Variants in PIR observed in about 807,000 individuals in gnomAD.
PIR encodes pirin, also known as pirin (iron-binding nuclear protein).
PIR carries 22 observed loss-of-function variants against 24.2 expected under a neutral mutation model. The ratio of observed to expected loss-of-function variants is 0.91; its 90% CI spans 0.65 to 1.30. PIR has a LOEUF of 1.30. Among genes scored for constraint, PIR ranks in the 50% most tolerant of loss-of-function variants. The pLI is 0.00. For missense variants in PIR, 220 were observed against 220.3 expected, an observed-to-expected ratio of 1.00 and a Z score of 0.01; for synonymous variants, 80 against 79.6, an observed-to-expected ratio of 1.00 and a Z score of -0.03.
At chrX:15,411,999 C>T (rs2147018981) in intron 6 of PIR, among the ~76,000 whole-genome samples, 1 of 110,922 alleles carries the variant, frequency 9.0e-6, no homozygotes, top group South Asian at 3.7e-4. Flanking sequence ...AATTTGCAGA[C>T]ATGTAGCCCC....
intron 2 of PIR, among the ~76,000 whole-genome samples, chrX:15,482,295 A>C (rs1158464030): frequency 8.9e-6 from 1 of 111,851 alleles, no homozygotes; most frequent in Non-Finnish European, 1.9e-5. Context: ...AGTCTTGAGT[A>C]GAAATGGTGG....
chrX:15,447,564 C>T (rs1005473097), intron 5 of PIR, among the ~76,000 whole-genome samples: 10 of 111,672 alleles, frequency 9.0e-5, no homozygotes, highest in South Asian at 3.8e-4. Context: ...GTGATCCGGC[C>T]GCCTCGGCCT....
At chrX:15,479,860 T>A in intron 2 of PIR, 39 bp from the exon 3 acceptor site, 1 of 768,633 alleles carries the variant, frequency 1.3e-6, no homozygotes, top group Non-Finnish European at 1.9e-6. Context: ...GATATGTCTT[T>A]TAAGCCATAC....
intron 3 of PIR, among the ~76,000 whole-genome samples, chrX:15,470,005 A>T (rs1414698367): frequency 8.9e-6 from 1 of 112,071 alleles, no homozygotes; most frequent in Non-Finnish European, 1.9e-5. Flanking sequence ...TTCTAATGGT[A>T]TTAAAAATCT....
chrX:15,425,119 C>A (rs1925263782), intron 6 of PIR, among the ~76,000 whole-genome samples: 1 of 110,828 alleles, frequency 9.0e-6, no homozygotes, highest in African/African-American at 3.3e-5. Context: ...TAAAGGTAAC[C>A]TTTACATAAC....
chrX:15,478,489 G>A (rs754340641), intron 3 of PIR: 2 of 111,892 alleles, frequency 1.8e-5, no homozygotes, highest in East Asian at 2.8e-4. Flanking sequence ...CCAGGAACAG[G>A]GTCAGAATCC....
At chrX:15,434,710 G>GT (rs112032769) in intron 5 of PIR, among the ~76,000 whole-genome samples, 34 of 87,140 alleles carry the variant, frequency 3.9e-4, no homozygotes, top group Middle Eastern at 5.7e-3. Flanking sequence ...TACATGAGAG[G>GT]TTTGTTTTTT....
At chrX:15,412,700 C>T (rs1210431353) in intron 6 of PIR, among the ~76,000 whole-genome samples, 7 of 112,013 alleles carry the variant, frequency 6.2e-5, no homozygotes, top group Admixed American at 5.7e-4. Flanking sequence ...ATCATGGCCT[C>T]TCTGCCTGCC....
At chrX:15,432,309 A>G (rs1925536612) in intron 5 of PIR, among the ~76,000 whole-genome samples, 2 of 112,307 alleles carry the variant, frequency 1.8e-5, no homozygotes. Flanking sequence ...GTGAAGTATT[A>G]CTTTCTAGTG....
At chrX:15,464,435 T>C in intron 3 of PIR, 10 of 752,756 alleles carry the variant, frequency 1.3e-5, no homozygotes, top group South Asian at 6.7e-5. Context: ...GTAAGTGATA[T>C]AGTTTATTTT....
chrX:15,402,311 A>G (rs1456780751), intron 7 of PIR, among the ~76,000 whole-genome samples: 2 of 112,262 alleles, frequency 1.8e-5, no homozygotes, highest in Non-Finnish European at 3.8e-5. Flanking sequence ...CCCATAATGC[A>G]CCACCCATTA....
chrX:15,385,264 C>T, intron 9 of PIR, 148 bp from the exon 10 acceptor site: 2 of 364,696 alleles, frequency 5.5e-6, no homozygotes, highest in Non-Finnish European at 9.5e-6. Flanking sequence ...TGTTCAATCC[C>T]CAAGGACTGT....
At chrX:15,421,215 T>A (rs1925120635) in intron 6 of PIR, among the ~76,000 whole-genome samples, 1 of 111,873 alleles carries the variant, frequency 8.9e-6, no homozygotes, top group African/African-American at 3.2e-5. Flanking sequence ...GGCTTATGTT[T>A]AAGCAAATTA....
At chrX:15,406,045 G>A (rs986198576) in intron 7 of PIR, among the ~76,000 whole-genome samples, 1 of 112,654 alleles carries the variant, frequency 8.9e-6, no homozygotes, top group African/African-American at 3.2e-5. Flanking sequence ...CCAGCTGCCT[G>A]GAGCTGGGAG....
intron 5 of PIR, among the ~76,000 whole-genome samples, chrX:15,441,740 C>T (rs931109172): frequency 1.8e-5 from 2 of 111,199 alleles, no homozygotes; most frequent in African/African-American, 6.6e-5. Flanking sequence ...ATGCTCAGCT[C>T]AGGCCCTTCT....
intron 5 of PIR, among the ~76,000 whole-genome samples, chrX:15,441,855 T>C (rs1031675414): frequency 1.4e-4 from 16 of 111,491 alleles, no homozygotes; most frequent in Non-Finnish European, 3.0e-4. Context: ...ACGTGGTTAA[T>C]GAAGCCGGGG....
intron 5 of PIR, among the ~76,000 whole-genome samples, chrX:15,448,856 C>G (rs1341565908): frequency 8.9e-6 from 1 of 112,043 alleles, no homozygotes; most frequent in Non-Finnish European, 1.9e-5. Context: ...TTTTCACATA[C>G]TGCTGTTTTC....
chrX:15,390,298 G>A (rs770334268), intron 8 of PIR, 47 bp from the exon 9 acceptor site: 7 of 710,241 alleles, frequency 9.9e-6, no homozygotes, highest in South Asian at 5.8e-5. Context: ...GCTTATTTTT[G>A]AAGATCAAAT....
chrX:15,490,474 G>A lies in PIR; in HGVS notation c.96+688C>T, dbSNP rs549398748. ...TTTTGGGGATCTGATATGGTGCTAGGGGCTGTATTCCCTGGGCTATGACCA... is the reference window on the plus strand; with the variant it reads ...TTTTGGGGATCTGATATGGTGCTAGAGGCTGTATTCCCTGGGCTATGACCA... On this transcript the variant is annotated intron_variant, in intron 2 of 9. Transcript: ENST00000380420. Among the ~76,000 whole-genome samples the A allele has an allele frequency of 3.0e-4, 34 of 111,552 alleles. No homozygotes were observed. The South Asian group carries it at 0.012, about 40-fold the overall frequency.
Sources: allele counts gnomAD v4.1 joint callset (sites outside exome capture counted in the v4.1 genomes callset), GRCh38; gene constraint gnomAD v4.1.1; transcripts MANE v1.5; gene names NCBI Gene and HGNC (gene_info 2026-07-23, HGNC 2026-07-21).